Variants in CLK2 observed in about 807,000 individuals in gnomAD.
CLK2 encodes the protein CDC like kinase 2, also known as dual specificity protein kinase CLK2.
CLK2 carries 12 observed loss-of-function variants against 73.5 expected under a neutral mutation model. That is an observed-to-expected ratio of 0.16 (90% CI 0.10 to 0.26). The LOEUF is 0.26. CLK2 is among the 10% of genes least tolerant of loss of function. The pLI, the probability that CLK2 is intolerant of heterozygous loss-of-function variation, is 1.00. For missense variants in CLK2, 509 were observed against 688.4 expected, an observed-to-expected ratio of 0.74 and a Z score of 2.92; for synonymous variants, 232 against 237.9, an observed-to-expected ratio of 0.98 and a Z score of 0.23.
chr1:155,270,402 T>A (rs1007859558), intron 2 of CLK2, among the ~76,000 whole-genome samples: 4 of 152,108 alleles, frequency 2.6e-5, no homozygotes, highest in Non-Finnish European at 4.4e-5. Context: ...TTAAAATTTT[T>A]AAAAAATTAA....
Position 155,268,193 on chromosome 1 carries a change from G to A in CLK2, c.555-67C>T, listed in dbSNP as rs943230059. ...TGTCTCAAAATGAACAGGGCTGTAG[G>A]GGGACTAAGAAATTCTACCTCAGGT... On this transcript the variant is annotated intron_variant, in intron 5 of 12. Coordinates refer to ENST00000368361, the MANE Select transcript of CLK2 (RefSeq NM_001294338.2). This position sits in a 1 kb window ranked among gnomAD's most constrained non-coding sequence, Gnocchi z 5.6. The A allele has an allele frequency of 3.2e-6, 5 of 1,557,610 alleles. No individual in the cohort carries two copies. The highest frequency in any genetic ancestry group is 3.3e-5 in the Admixed American group (2 of 59,834).
At chr1:155,267,714 AG>A (rs1393809231) in intron 6 of CLK2, among the ~76,000 whole-genome samples, 1 of 152,230 alleles carries the variant, frequency 6.6e-6, no homozygotes, top group Non-Finnish European at 1.5e-5. Flanking sequence ...TTGTTCGATG[AG>A]GTTGATGCTC....
chr1:155,264,262 C>A lies in CLK2; in HGVS notation c.1185G>T (p.Arg395Ser). The A allele has an allele frequency of 6.2e-7, 1 of 1,614,212 alleles. No homozygotes were observed. The highest frequency in any genetic ancestry group is 8.5e-7 in the Non-Finnish European group (1 of 1,180,038). The change falls in exon 11 of 13, where the codon AGG becomes AGT. Residue 395 changes from arginine (R) to serine (S), a missense_variant. Coordinates refer to ENST00000368361, the MANE Select transcript of CLK2 (RefSeq NM_001294338.2). ...TCCGGGAAGGGATAGGACCCAAGATCCTTTCCATCATGGCTAGATGCTCTC... is the reference window on the plus strand; with the variant it reads ...TCCGGGAAGGGATAGGACCCAAGATACTTTCCATCATGGCTAGATGCTCTC... ...DNREHLAMME[R>S]ILGPIPSRMI...
At chr1:155,264,405 C>G in intron 10 of CLK2, 63 bp downstream of exon 10, 1 of 1,602,290 alleles carries the variant, frequency 6.2e-7, no homozygotes, top group Non-Finnish European at 8.6e-7. Flanking sequence ...AGGTCCTCAG[C>G]AGAAAACAAA....
intron 3 of CLK2, 43 bp downstream of exon 3, chr1:155,269,445 C>A (rs760453049): frequency 6.4e-7 from 1 of 1,556,718 alleles, no homozygotes; most frequent in Admixed American, 1.7e-5. Flanking sequence ...CCTAGAGGGC[C>A]TGCAGAAGAG....
At position 155,273,410 on chromosome 1, in the gene CLK2, C is replaced by A. The variant is rs1230404491; in HGVS notation, c.-210G>T. On this transcript the variant is annotated 5_prime_UTR_variant, in exon 1 of 13. Transcript: ENST00000368361. Reference sequence around the variant, plus strand: ...CGCCCCTAAGATCTGCTTGGCGCCGCTCGCACCGCCCCCGCCCGGGGCCCG... The same window carrying A: ...CGCCCCTAAGATCTGCTTGGCGCCGATCGCACCGCCCCCGCCCGGGGCCCG... 2.6e-5 allele frequency: 4 copies of A among 152,796 alleles called. No individual in the cohort carries two copies. Among genetic ancestry groups the A allele is most frequent in the African/African-American group, 9.7e-5 (4 of 41,416 alleles). 9.5% of individuals were successfully genotyped at this position (152,796 alleles called of 1,614,324 possible).
chr1:155,268,865 T>TGGGGGGGTGGGG lies in CLK2; in HGVS notation c.400-71_400-70insCCCCACCCCCCC. The TGGGGGGGTGGGG allele has an allele frequency of 2.1e-6, 1 of 479,242 alleles. No individual in the cohort carries two copies. The highest frequency in any genetic ancestry group is 3.5e-6 in the Non-Finnish European group (1 of 284,756). The allele number at this position is 479,242 out of a possible 1,614,324, so 29.7% of individuals were successfully genotyped here. ...GGGGGCCGGAGGGAGGCGGGGTGGGTGGTAGAGGGGTCACCGGTCACAGGC... is the reference window on the plus strand; with the variant it reads ...GGGGGCCGGAGGGAGGCGGGGTGGGTGGGGGGGTGGGGGGTAGAGGGGTCACCGGTCACAGGC... On this transcript the variant is annotated intron_variant, in intron 3 of 12. Coordinates refer to ENST00000368361, the MANE Select transcript of CLK2 (RefSeq NM_001294338.2). The surrounding 1 kb of genome is among the most constrained non-coding windows in gnomAD (Gnocchi z 5.6).
In CLK2 at chr1:155,266,769, T is replaced by G; in HGVS notation, c.798A>C (p.Gln266His). The change falls in exon 7 of 13, where the codon CAA becomes CAC. Residue 266 changes from glutamine to histidine, a missense_variant. Transcript: ENST00000368361. ...DNNYLPYPIH[Q>H]VRHMAFQLCQ... The stretch of plus-strand genomic sequence containing the variant: ...ACAGCTGGAAGGCCATGTGGCGCAC[T>G]TGGTGGATGGGGTAGGGCAGGTAGT... The G allele has an allele frequency of 6.2e-7, 1 of 1,613,476 alleles. No individual in the cohort carries two copies. The highest frequency in any genetic ancestry group is 8.5e-7 in the Non-Finnish European group (1 of 1,179,764).
Position 155,266,666 on chromosome 1 carries a change from C to A in CLK2, c.838+63G>T, listed in dbSNP as rs1019607976. On this transcript the variant is annotated intron_variant, in intron 7 of 12. Transcript: ENST00000368361. ...TTTAGGGGCTTCACCAGTGCACAACCGACAGAGAGATCCAATGAAGGGAGG... is the reference window on the plus strand; with the variant it reads ...TTTAGGGGCTTCACCAGTGCACAACAGACAGAGAGATCCAATGAAGGGAGG... 7 of 1,557,422 alleles carry A rather than the reference C, an allele frequency of 4.5e-6. No individual in the cohort carries two copies. The Admixed American group carries it at 7.8e-5, about 17-fold the overall frequency.
chr1:155,272,623 T>A (rs1011699947), intron 1 of CLK2, among the ~76,000 whole-genome samples: 6 of 152,106 alleles, frequency 3.9e-5, no homozygotes, highest in Non-Finnish European at 8.8e-5. Context: ...TGGTATTTGA[T>A]GCATTCTTGG....
At chr1:155,265,025 G>T (rs1391835562) in intron 8 of CLK2, among the ~76,000 whole-genome samples, 1 of 152,060 alleles carries the variant, frequency 6.6e-6, no homozygotes, top group Non-Finnish European at 1.5e-5. Context: ...CTACACTCAA[G>T]TGCCAGATAT....
At chr1:155,269,065 A>T in intron 3 of CLK2, 1 of 590,736 alleles carries the variant, frequency 1.7e-6, no homozygotes, top group Non-Finnish European at 3.0e-6. Context: ...TGCCAATGTC[A>T]CCCACAACCC....
At position 155,264,239 on chromosome 1, in the gene CLK2, C is replaced by T. The variant is rs752431100; in HGVS notation, c.1208G>A (p.Arg403Gln). Reference protein sequence around the residue: ...MERILGPIPSRMIRKTRKQKY... With the variant: ...MERILGPIPSQMIRKTRKQKY... ...GGTTCACCTTGTCTTTCGGATCATC[C>T]GGGAAGGGATAGGACCCAAGATCCT... The change falls in exon 11 of 13, where the codon CGG becomes CAG. Residue 403 changes from arginine (R) to glutamine (Q), a missense_variant. Arg to Gln is a conservative substitution (Grantham distance 43). Transcript: ENST00000368361. The T allele has an allele frequency of 7.4e-6, 12 of 1,613,998 alleles. No homozygotes were observed. The highest frequency in any genetic ancestry group is 2.7e-5 in the African/African-American group (2 of 74,890).
intron 1 of CLK2, among the ~76,000 whole-genome samples, chr1:155,272,277 A>G (rs1485384627): frequency 6.6e-6 from 1 of 152,148 alleles, no homozygotes; most frequent in Non-Finnish European, 1.5e-5. Context: ...TGGCCTCCCA[A>G]AGTGCTGGGA....
Position 155,266,852 on chromosome 1 carries a change from T to C in CLK2, c.715A>G (p.Met239Val), listed in dbSNP as rs759915329. ...CCCAGAAGCTCAAAGGAGATACACA[T>C]GTGGCCATGGTAGTCAAACCAGTCA... ...MFDWFDYHGH[M>V]CISFELLGLS... The change falls in exon 7 of 13, where the codon ATG becomes GTG. Residue 239 changes from methionine to valine, a missense_variant. Physicochemically the swap from Met to Val is conservative, Grantham distance 21. Coordinates refer to ENST00000368361, the MANE Select transcript of CLK2 (RefSeq NM_001294338.2). 6.2e-7 allele frequency: 1 copy of C among 1,613,538 alleles called. No individual in the cohort carries two copies. Among genetic ancestry groups the C allele is most frequent in the Non-Finnish European group, 8.5e-7 (1 of 1,179,742 alleles).
rs370320319 is a variant in CLK2, at chr1:155,263,956, C to A, written c.1311G>T (p.Pro437=). The A allele has an allele frequency of 9.9e-6, 16 of 1,613,782 alleles. No homozygotes were observed. The highest frequency in any genetic ancestry group is 1.6e-4 in the Middle Eastern group (1 of 6,082). The change falls in exon 12 of 13, where the codon CCG becomes CCT. Residue 437 remains proline, a synonymous_variant. Coordinates refer to ENST00000368361, the MANE Select transcript of CLK2 (RefSeq NM_001294338.2). ...TATCCCGAGCCCAGCTCACCCGCAG[C>A]GGTTTGCAGTTCTCACGAACATAGC... ...AGRYVRENCK[P]LRRYLTSEAE...
chr1:155,271,234 A>G (rs1673492454), intron 1 of CLK2, among the ~76,000 whole-genome samples: 1 of 151,630 alleles, frequency 6.6e-6, no homozygotes, highest in Non-Finnish European at 1.5e-5. Flanking sequence ...AAGTGTTCTT[A>G]TTTTATTCTT....
In CLK2 at chr1:155,268,973, A is replaced by C. The variant is rs1275348487; in HGVS notation, c.400-178T>G. The C allele has an allele frequency of 1.6e-6, 1 of 622,980 alleles. No homozygotes were observed. The highest frequency in any genetic ancestry group is 1.8e-5 in the African/African-American group (1 of 54,942). The allele number at this position is 622,980 out of a possible 1,614,324, so 38.6% of individuals were successfully genotyped here. A position where few individuals can be genotyped will look rare whatever the true frequency, so the allele number is the denominator to read the frequency against. On this transcript the variant is annotated intron_variant, in intron 3 of 12. Transcript: ENST00000368361. This position sits in a 1 kb window ranked among gnomAD's most constrained non-coding sequence, Gnocchi z 5.6. ...CAGTAAGGTGGATCGGTGTGAGAAG[A>C]GAGAGCGGCGCATAATCCCAAGTCC...
Position 155,264,772 on chromosome 1 carries a change from C to A in CLK2, c.936G>T (p.Lys312Asn). 1 of 1,614,190 alleles carries A rather than the reference C, an allele frequency of 6.2e-7. No homozygotes were observed. Among genetic ancestry groups the A allele is most frequent in the Non-Finnish European group, 8.5e-7 (1 of 1,180,004 alleles). ...TGCTCTTCACACTGCGCTCATCTCG[C>A]TTCTAGGAGCAGAGGAGAAAGAGGA... ...DYELTYNLEKKRDERSVKSTA... is the reference protein window; with the variant it reads ...DYELTYNLEKNRDERSVKSTA... The change falls in exon 9 of 13, where the codon AAG (lysine) becomes AAT (asparagine). Residue 312 changes from lysine (K) to asparagine (N), a missense_variant and splice_region_variant. By Grantham distance (94) the Lys-to-Asn change is moderately conservative. Transcript: ENST00000368361.
Sources: gnomAD v4.1 joint callset for allele counts (sites outside exome capture counted in the v4.1 genomes callset) on GRCh38, gnomAD v4.1.1 for gene constraint, Gnocchi (gnomAD v3.1) non-coding constraint, MANE v1.5 for transcripts, NCBI Gene and HGNC (gene_info 2026-07-23, HGNC 2026-07-21) for gene names.